Variants in TRPC4 observed in about 807,000 individuals in gnomAD.
TRPC4 encodes the protein transient receptor potential cation channel subfamily C member 4.
A neutral mutation model predicts 99.4 loss-of-function variants in TRPC4; 49 were observed. That is an observed-to-expected ratio of 0.49 (90% CI 0.39 to 0.63). The LOEUF is 0.63. Ranked by LOEUF, TRPC4 falls within the 20% of genes least tolerant of loss-of-function variation. The pLI is 0.00. For missense variants in TRPC4, 898 were observed against 1,152.9 expected, an observed-to-expected ratio of 0.78 and a Z score of 3.20; for synonymous variants, 454 against 425.9, an observed-to-expected ratio of 1.07 and a Z score of -0.81.
At chr13:37,664,543 C>A (rs1053911493) in intron 5 of TRPC4, among the ~76,000 whole-genome samples, 1 of 151,092 alleles carries the variant, frequency 6.6e-6, no homozygotes, top group African/African-American at 2.4e-5. Flanking sequence ...CATTGCACTC[C>A]ATCCTGGGCA....
chr13:37,854,809 A>C (rs964170904), intron 1 of TRPC4: 2 of 152,078 alleles, frequency 1.3e-5, no homozygotes, highest in Non-Finnish European at 2.9e-5. Context: ...AACTACCTTC[A>C]TGGAAAGAAG....
intron 2 of TRPC4, among the ~76,000 whole-genome samples, chr13:37,773,673 C>A (rs534016389): frequency 6.6e-6 from 1 of 151,738 alleles, no homozygotes; most frequent in East Asian, 2.0e-4. Context: ...AAGAACTTAC[C>A]ACAAGGGTTG....
chr13:37,756,436 C>T (rs1360897377), intron 2 of TRPC4, among the ~76,000 whole-genome samples: 3 of 152,040 alleles, frequency 2.0e-5, no homozygotes, highest in Admixed American at 2.0e-4. Flanking sequence ...AATAATTTAC[C>T]AGAATGTTTA....
At chr13:37,665,926 T>C (rs748324664) in intron 5 of TRPC4, among the ~76,000 whole-genome samples, 1 of 151,774 alleles carries the variant, frequency 6.6e-6, no homozygotes, top group Admixed American at 6.6e-5. Context: ...TTAAGCTGAT[T>C]TCAGAGTCTA....
In TRPC4 at chr13:37,862,483, A is replaced by G. The variant is rs538375419; in HGVS notation, c.-28+7112T>C. Among the ~76,000 whole-genome samples the G allele has an allele frequency of 2.0e-5, 3 of 151,740 alleles. No individual in the cohort carries two copies. The East Asian group carries it at 5.8e-4, about 29-fold the overall frequency. Reference sequence around the variant, plus strand: ...CCTACTCTTACGGAAAACAGTAATTAGTGGCAAAAAGGATATATTTAGATT... The same window carrying G: ...CCTACTCTTACGGAAAACAGTAATTGGTGGCAAAAAGGATATATTTAGATT... On this transcript the variant is annotated intron_variant, in intron 1 of 10. Coordinates refer to ENST00000379705, the MANE Select transcript of TRPC4 (RefSeq NM_016179.4).
intron 5 of TRPC4, among the ~76,000 whole-genome samples, chr13:37,664,153 C>A (rs1379095647): frequency 6.6e-6 from 1 of 152,024 alleles, no homozygotes; most frequent in East Asian, 1.9e-4. Flanking sequence ...AAACTTTGAC[C>A]AGCAATTATT....
chr13:37,663,002 G>A (rs574742037), intron 6 of TRPC4, among the ~76,000 whole-genome samples: 9 of 152,158 alleles, frequency 5.9e-5, no homozygotes, highest in East Asian at 1.9e-4. Flanking sequence ...ATACATAAAC[G>A]GACTTTAGTA....
At chr13:37,716,541 T>C (rs542907461) in intron 3 of TRPC4, among the ~76,000 whole-genome samples, 1 of 152,292 alleles carries the variant, frequency 6.6e-6, no homozygotes, top group African/African-American at 2.4e-5. Context: ...TGAGTTATTC[T>C]TTTTCAAAAT....
intron 1 of TRPC4, among the ~76,000 whole-genome samples, chr13:37,821,254 C>G (rs1018817723): frequency 6.8e-5 from 10 of 146,612 alleles, no homozygotes; most frequent in African/African-American, 2.5e-4. Context: ...ATACAGCTGA[C>G]CAGGGAGGTG....
intron 2 of TRPC4, among the ~76,000 whole-genome samples, chr13:37,750,957 G>A (rs1487498908): frequency 6.6e-6 from 1 of 151,986 alleles, no homozygotes; most frequent in East Asian, 1.9e-4. Flanking sequence ...TCAGATTCTG[G>A]TATCAATGTG....
chr13:37,802,094 T>A (rs1566181660), intron 1 of TRPC4, among the ~76,000 whole-genome samples: 1 of 152,138 alleles, frequency 6.6e-6, no homozygotes, highest in East Asian at 1.9e-4. Flanking sequence ...TTAAAATACT[T>A]TCACTGTTTT....
intron 1 of TRPC4, among the ~76,000 whole-genome samples, chr13:37,849,731 G>A (rs1266513823): frequency 1.3e-5 from 2 of 152,188 alleles, no homozygotes; most frequent in East Asian, 3.9e-4. Context: ...AGAATGTTCA[G>A]CACTGACAAC....
chr13:37,724,423 A>T (rs1485960515), intron 3 of TRPC4, among the ~76,000 whole-genome samples: 5 of 152,182 alleles, frequency 3.3e-5, no homozygotes, highest in Non-Finnish European at 5.9e-5. Flanking sequence ...TATAACTTTT[A>T]TTATTTCATG....
At chr13:37,761,683 A>G (rs1259092349) in intron 2 of TRPC4, among the ~76,000 whole-genome samples, 1 of 151,892 alleles carries the variant, frequency 6.6e-6, no homozygotes, top group African/African-American at 2.4e-5. Context: ...ATCACTAAAT[A>G]ACATGGAGGT....
chr13:37,815,340 G>T (rs1181864787), intron 1 of TRPC4, among the ~76,000 whole-genome samples: 1 of 151,752 alleles, frequency 6.6e-6, no homozygotes, highest in East Asian at 1.9e-4. Flanking sequence ...AGATAAAGAA[G>T]AAAGACCCAG....
chr13:37,635,029 A>G lies in TRPC4; in HGVS notation c.*1874T>C, dbSNP rs1470517550. On this transcript the variant is annotated 3_prime_UTR_variant, in exon 11 of 11. Transcript: ENST00000379705. Reference sequence around the variant, plus strand: ...ATTTCAAATTGAGTTCTGAGATCACATAATAAATATGTTTTTAAAATCTAC... The same window carrying G: ...ATTTCAAATTGAGTTCTGAGATCACGTAATAAATATGTTTTTAAAATCTAC... 1.3e-5 allele frequency among the ~76,000 whole-genome samples: 2 copies of G among 149,834 alleles called. No homozygotes were observed. Among genetic ancestry groups the G allele is most frequent in the Admixed American group, 1.3e-4 (2 of 14,816 alleles).
intron 3 of TRPC4, among the ~76,000 whole-genome samples, chr13:37,744,579 A>C (rs1593638333): frequency 6.6e-6 from 1 of 152,182 alleles, no homozygotes; most frequent in South Asian, 2.1e-4. Flanking sequence ...GAAAAAATTG[A>C]GAAAGCAAGT....
At chr13:37,735,920 A>G (rs929917480) in intron 3 of TRPC4, among the ~76,000 whole-genome samples, 2 of 152,204 alleles carry the variant, frequency 1.3e-5, no homozygotes, top group South Asian at 4.1e-4. Context: ...CACACTTGTT[A>G]CTTCTTGAAC....
At chr13:37,839,512 C>G (rs184940810) in intron 1 of TRPC4, among the ~76,000 whole-genome samples, 1 of 152,222 alleles carries the variant, frequency 6.6e-6, no homozygotes, top group Admixed American at 6.5e-5. Flanking sequence ...AGCTTTAACT[C>G]AATTTTAATA....
Sources: allele counts gnomAD v4.1 joint callset (sites outside exome capture counted in the v4.1 genomes callset), GRCh38; gene constraint gnomAD v4.1.1; transcripts MANE v1.5; gene names NCBI Gene and HGNC (gene_info 2026-07-23, HGNC 2026-07-21).